The following SNX4 variants were observed in gnomAD, a reference collection of about 807,000 sequenced individuals.
SNX4 encodes sorting nexin-4.
A neutral mutation model predicts 70.8 loss-of-function variants in SNX4; 49 were observed. The ratio of observed to expected loss-of-function variants is 0.69; its 90% confidence interval spans 0.55 to 0.88. The LOEUF (loss-of-function observed/expected upper bound fraction) is 0.88. Among genes scored for constraint, SNX4 ranks in the 40% least tolerant of loss-of-function variants. The pLI is 0.00. For missense variants in SNX4, 528 were observed against 544.8 expected, an observed-to-expected ratio of 0.97 and a Z score of 0.31; for synonymous variants, 206 against 183.8, an observed-to-expected ratio of 1.12 and a Z score of -0.98.
At chr3:125,502,223 T>TA (rs1329928755) in intron 2 of SNX4, among the ~76,000 whole-genome samples, 1 of 152,192 alleles carries the variant, frequency 6.6e-6, no homozygotes, top group Non-Finnish European at 1.5e-5. Context: ...CCATGATCTT[T>TA]AAAAAATAAC....
Position 125,498,224 on chromosome 3 carries a change from T to C in SNX4, c.264-30A>G. On this transcript the variant is annotated intron_variant, in intron 2 of 13. Transcript: ENST00000251775. ...AAAGGAACAGAACAACACTTGTTAT[T>C]TTTTATAAACAAAAATACATACACA... 3 of 1,589,754 alleles carry C rather than the reference T, an allele frequency of 1.9e-6. No individual in the cohort carries two copies. The South Asian group carries it at 3.4e-5, about 18-fold the overall frequency.
intron 13 of SNX4, among the ~76,000 whole-genome samples, chr3:125,449,723 T>A (rs1933526644): frequency 6.6e-6 from 1 of 152,216 alleles, no homozygotes; most frequent in Admixed American, 6.5e-5. Context: ...GTATCTTTTA[T>A]ATTCACAGAT....
intron 10 of SNX4, among the ~76,000 whole-genome samples, chr3:125,457,575 T>C (rs1409316284): frequency 1.4e-5 from 2 of 146,956 alleles, no homozygotes; most frequent in African/African-American, 5.0e-5. Context: ...ATATATTCTT[T>C]TTTTTTTTTT....
intron 7 of SNX4, among the ~76,000 whole-genome samples, chr3:125,477,908 C>T (rs1194018437): frequency 1.1e-4 from 16 of 152,086 alleles, no homozygotes; most frequent in Admixed American, 1.0e-3. Flanking sequence ...TCCCATCTGG[C>T]CTTCAGAAAC....
chr3:125,466,737 A>G (rs2107534604), intron 9 of SNX4, among the ~76,000 whole-genome samples: 1 of 152,242 alleles, frequency 6.6e-6, no homozygotes, highest in South Asian at 2.1e-4. Context: ...GGCTGCAGTA[A>G]GCTGATAGCA....
chr3:125,482,405 T>G (rs1934432752), intron 6 of SNX4, among the ~76,000 whole-genome samples: 1 of 152,076 alleles, frequency 6.6e-6, no homozygotes, highest in Non-Finnish European at 1.5e-5. Flanking sequence ...CCTCATACAT[T>G]CCACTAATTG....
Position 125,498,178 on chromosome 3 carries a change from C to T in SNX4, c.280G>A (p.Asp94Asn). 3.7e-6 allele frequency: 6 copies of T among 1,613,744 alleles called. No homozygotes were observed. Among genetic ancestry groups the T allele is most frequent in the South Asian group, 2.2e-5 (2 of 90,936 alleles). The stretch of plus-strand genomic sequence containing the variant: ...GAGTCTGTTAGGACACTCTGACCAT[C>T]GGTATGTTCAACTGACCTGAAAAGG... ...LIETRSVEHT[D>N]GQSVLTDSLW... Residue 94 changes from aspartate to asparagine, a missense_variant, in exon 3 of 14, where the codon GAT becomes AAT. By Grantham distance (23) the Asp-to-Asn change is conservative. Around this residue, in one of 3 missense-constraint regions of SNX4, gnomAD observed 341 missense variants for 312.2 expected, o/e 1.09. Coordinates refer to ENST00000251775, the MANE Select transcript of SNX4 (RefSeq NM_003794.4).
chr3:125,486,604 C>T (rs1014418237), intron 6 of SNX4, among the ~76,000 whole-genome samples: 1 of 152,056 alleles, frequency 6.6e-6, no homozygotes, highest in South Asian at 2.1e-4. Flanking sequence ...CCAGCCTGGG[C>T]AACACAGAGA....
At chr3:125,452,605 A>T (rs1933603307) in intron 12 of SNX4, among the ~76,000 whole-genome samples, 1 of 151,666 alleles carries the variant, frequency 6.6e-6, no homozygotes. Flanking sequence ...ATAATAATAA[A>T]AATTAAAATC....
intron 13 of SNX4, 57 bp from the exon 14 acceptor site, chr3:125,447,883 A>AGT: frequency 8.6e-7 from 1 of 1,166,676 alleles, no homozygotes; most frequent in East Asian, 2.4e-5. Context: ...TGAAAACCCA[A>AGT]GTACTTGGCT....
intron 8 of SNX4, among the ~76,000 whole-genome samples, chr3:125,476,096 T>C (rs965109031): frequency 6.6e-6 from 1 of 151,082 alleles, no homozygotes; most frequent in Non-Finnish European, 1.5e-5. Context: ...TGAAATCCCA[T>C]CTCTACTAAA....
At chr3:125,462,846 G>A (rs966012303) in intron 9 of SNX4, among the ~76,000 whole-genome samples, 8 of 152,194 alleles carry the variant, frequency 5.3e-5, no homozygotes, top group Admixed American at 2.0e-4. Flanking sequence ...GCCCAGGAAA[G>A]AATTCAAGGG....
chr3:125,469,330 T>C (rs74462938), intron 9 of SNX4, 124 bp downstream of exon 9: 16,566 of 588,956 alleles, frequency 0.028, 590 homozygotes, highest in African/African-American at 0.1. Flanking sequence ...TTAAGTCAGA[T>C]ATGTACACAT....
chr3:125,488,502 A>C (rs1579995916), intron 6 of SNX4, among the ~76,000 whole-genome samples: 1 of 151,872 alleles, frequency 6.6e-6, no homozygotes, highest in African/African-American at 2.4e-5. Context: ...AAATGAAAAA[A>C]CTCAAGTTAC....
At chr3:125,459,070 A>C (rs764154756) in intron 10 of SNX4, among the ~76,000 whole-genome samples, 2 of 152,118 alleles carry the variant, frequency 1.3e-5, no homozygotes, top group African/African-American at 2.4e-5. Context: ...GCTGCTTGGG[A>C]GGCTGAGGCA....
intron 12 of SNX4, among the ~76,000 whole-genome samples, chr3:125,452,576 C>T (rs553394684): frequency 2.9e-4 from 44 of 151,838 alleles, no homozygotes; most frequent in South Asian, 1.5e-3. Context: ...GGTGAGACTC[C>T]GTCTCAAAAA....
At chr3:125,467,575 AT>A (rs199863495) in intron 9 of SNX4, among the ~76,000 whole-genome samples, 5 of 151,788 alleles carry the variant, frequency 3.3e-5, no homozygotes, top group African/African-American at 1.2e-4. Flanking sequence ...TATTATTATT[AT>A]TTTTTTTAAC....
intron 8 of SNX4, among the ~76,000 whole-genome samples, chr3:125,472,551 T>C (rs1289064671): frequency 6.6e-6 from 1 of 152,222 alleles, no homozygotes; most frequent in African/African-American, 2.4e-5. Context: ...TATTAAAGTA[T>C]CCATACAATG....
chr3:125,506,959 TG>T (rs1324525290), intron 1 of SNX4, among the ~76,000 whole-genome samples: 1 of 149,104 alleles, frequency 6.7e-6, no homozygotes, highest in African/African-American at 2.5e-5. Context: ...CCCAGCACTT[TG>T]GGAGGCTGAG....
Sources: gnomAD v4.1 joint callset for allele counts (sites outside exome capture counted in the v4.1 genomes callset) on GRCh38, gnomAD v4.1.1 for gene constraint, gnomAD v4.1.1 regional missense constraint, MANE v1.5 for transcripts, NCBI Gene and HGNC (gene_info 2026-07-23, HGNC 2026-07-21) for gene names.